GRIA4: variants seen among roughly 807,000 people sequenced by gnomAD.
The protein encoded by GRIA4 is glutamate receptor 4.
Under a neutral mutation model 104.0 loss-of-function variants are expected in GRIA4, and 34 were observed. The ratio of observed to expected loss-of-function variants is 0.33; its 90% CI spans 0.25 to 0.44. The LOEUF (loss-of-function observed/expected upper bound fraction) is 0.44, where lower values mean the gene tolerates loss of function less well. Ranked by LOEUF, GRIA4 falls within the 20% of genes least tolerant of loss-of-function variation. The pLI is 1.00. For synonymous variants in GRIA4, 386 were observed against 381.9 expected, an observed-to-expected ratio of 1.01 and a Z score of -0.13; for missense variants, 750 against 1,096.5, an observed-to-expected ratio of 0.68 and a Z score of 4.46.
At chr11:105,881,535 A>G (rs1946059578) in intron 5 of GRIA4, among the ~76,000 whole-genome samples, 1 of 152,190 alleles carries the variant, frequency 6.6e-6, no homozygotes, top group South Asian at 2.1e-4. Flanking sequence ...AAAGTCAGTC[A>G]GACTTTGCTA....
chr11:105,659,761 C>G lies in GRIA4; in HGVS notation c.247+47327C>G, dbSNP rs1373322936. On this transcript the variant is annotated intron_variant, in intron 3 of 16. Transcript: ENST00000282499. ...CTAATTCTAAAATATAAACAAATGG[C>G]AGTAGACACCAGACTTTTCAGGAAA... Among the ~76,000 whole-genome samples, 11 of 151,744 alleles carry G rather than the reference C, an allele frequency of 7.2e-5. No homozygotes were observed. In the Admixed American group the frequency reaches 7.3e-4, roughly 10 times the overall value.
chr11:105,765,262 T>C (rs1404818994), intron 4 of GRIA4, among the ~76,000 whole-genome samples: 5 of 152,208 alleles, frequency 3.3e-5, no homozygotes, highest in African/African-American at 4.8e-5. Flanking sequence ...GTTTTTCTTA[T>C]CTGATATAGA....
chr11:105,859,288 C>G (rs1441016690), intron 4 of GRIA4, among the ~76,000 whole-genome samples: 1 of 152,080 alleles, frequency 6.6e-6, no homozygotes, highest in Non-Finnish European at 1.5e-5. Context: ...TACTGCATGT[C>G]CTTTGCACTG....
At chr11:105,677,809 T>C (rs1952585497) in intron 3 of GRIA4, among the ~76,000 whole-genome samples, 2 of 151,978 alleles carry the variant, frequency 1.3e-5, no homozygotes, top group Admixed American at 1.3e-4. Context: ...ATTCAGGAAA[T>C]AGCAATCACA....
chr11:105,847,225 G>A (rs1944632175), intron 4 of GRIA4, among the ~76,000 whole-genome samples: 1 of 152,168 alleles, frequency 6.6e-6, no homozygotes, highest in South Asian at 2.1e-4. Context: ...TAGATCCCTT[G>A]TATGTGCAGT....
In GRIA4 at chr11:105,633,900, C is replaced by T. The variant is rs912496347; in HGVS notation, c.247+21466C>T. On this transcript the variant is annotated intron_variant, in intron 3 of 16. Coordinates refer to ENST00000282499, the MANE Select transcript of GRIA4 (RefSeq NM_000829.4). ...TGGAAACTGAGACTTTTAGAACTAA[C>T]CTGGTGCTTAGTGCACTTATGTTAA... Among the ~76,000 whole-genome samples, 25 of 152,238 alleles carry T rather than the reference C, an allele frequency of 1.6e-4. 1 individual carries two copies. The highest frequency in any genetic ancestry group is 1.3e-4 in the Admixed American group (2 of 15,260).
At position 105,717,452 on chromosome 11, in the gene GRIA4, G is replaced by A. The variant is rs1038575174; in HGVS notation, c.248-35529G>A. The stretch of plus-strand genomic sequence containing the variant: ...GCTAAATCTCACTATCTCTCCAAAA[G>A]CAAGATTCTGTCTCAGTGAGACTCT... On this transcript the variant is annotated intron_variant, in intron 3 of 16. Coordinates refer to ENST00000282499, the MANE Select transcript of GRIA4 (RefSeq NM_000829.4). 2.0e-5 allele frequency among the ~76,000 whole-genome samples: 3 copies of A among 151,932 alleles called. No homozygotes were observed. The South Asian group carries it at 6.2e-4, about 31-fold the overall frequency.
chr11:105,659,986 T>C (rs955421484), intron 3 of GRIA4, among the ~76,000 whole-genome samples: 111 of 151,706 alleles, frequency 7.3e-4, no homozygotes, highest in African/African-American at 2.5e-3. Context: ...TTCAAAATAA[T>C]AAAAATATTA....
At position 105,972,060 on chromosome 11, in the gene GRIA4, T is replaced by C. The variant is rs1858722563; in HGVS notation, c.2409+32T>C. On this transcript the variant is annotated intron_variant, in intron 15 of 16. Coordinates refer to ENST00000282499, the MANE Select transcript of GRIA4 (RefSeq NM_000829.4). ...CGCTGCAGTTCGGGGCCTCCTCTTGTGTTCACAAAGCAGTAAACGGGAGCA... is the reference window on the plus strand; with the variant it reads ...CGCTGCAGTTCGGGGCCTCCTCTTGCGTTCACAAAGCAGTAAACGGGAGCA... The C allele has an allele frequency of 3.0e-6, 4 of 1,335,330 alleles. No homozygotes were observed. In the African/African-American group the frequency reaches 4.3e-5, roughly 14 times the overall value. The allele number at this position is 1,335,330 out of a possible 1,614,324, so 82.7% of individuals were successfully genotyped here. A position where few individuals can be genotyped will look rare whatever the true frequency, so the allele number is the denominator to read the frequency against.
At chr11:105,670,354 T>A (rs1230789524) in intron 3 of GRIA4, among the ~76,000 whole-genome samples, 1 of 152,154 alleles carries the variant, frequency 6.6e-6, no homozygotes, top group Non-Finnish European at 1.5e-5. Context: ...CCAAAAGGTC[T>A]ATTTTCTAAT....
chr11:105,975,537 C>G (rs150218200), intron 16 of GRIA4, among the ~76,000 whole-genome samples: 1 of 152,046 alleles, frequency 6.6e-6, no homozygotes, highest in Admixed American at 6.5e-5. Context: ...AAAATAAGAT[C>G]TGAAAGGATT....
intron 5 of GRIA4, among the ~76,000 whole-genome samples, chr11:105,866,551 G>GTATATATGTATATATATA (rs1945423573): frequency 2.6e-5 from 2 of 76,752 alleles, no homozygotes; most frequent in South Asian, 1.0e-3. Context: ...GTGTGTGTGT[G>GTATATATGTATATATATA]TATATATATA....
chr11:105,733,368 T>A (rs543839634), intron 3 of GRIA4, among the ~76,000 whole-genome samples: 1 of 152,332 alleles, frequency 6.6e-6, no homozygotes, highest in African/African-American at 2.4e-5. Context: ...GACTTCTACA[T>A]AATATGGAAT....
At chr11:105,889,746 AAAG>A (rs1946394583) in intron 6 of GRIA4, among the ~76,000 whole-genome samples, 1 of 152,202 alleles carries the variant, frequency 6.6e-6, no homozygotes, top group South Asian at 2.1e-4. Flanking sequence ...CCAGATTGAA[AAAG>A]AAGATTATAT....
intron 13 of GRIA4, among the ~76,000 whole-genome samples, chr11:105,928,429 T>C (rs1007544029): frequency 2.6e-5 from 4 of 151,588 alleles, no homozygotes; most frequent in African/African-American, 9.7e-5. Context: ...TTAAACAAAC[T>C]TTTTTTAACT....
intron 4 of GRIA4, among the ~76,000 whole-genome samples, chr11:105,851,616 CAT>C (rs1165331054): frequency 6.6e-6 from 1 of 152,082 alleles, no homozygotes; most frequent in Non-Finnish European, 1.5e-5. Flanking sequence ...GAGTGTAGGG[CAT>C]ACAGACTCTC....
chr11:105,655,148 C>T (rs1460021712), intron 3 of GRIA4, among the ~76,000 whole-genome samples: 1 of 152,062 alleles, frequency 6.6e-6, no homozygotes, highest in Non-Finnish European at 1.5e-5. Context: ...CCTTGCAACA[C>T]AGTTTTTTAA....
chr11:105,836,262 A>G (rs1235430001), intron 4 of GRIA4, among the ~76,000 whole-genome samples: 1 of 152,074 alleles, frequency 6.6e-6, no homozygotes, highest in East Asian at 1.9e-4. Context: ...GACTTGCTCT[A>G]TTTGACTCAC....
intron 3 of GRIA4, among the ~76,000 whole-genome samples, chr11:105,685,959 C>T (rs924422495): frequency 2.7e-5 from 4 of 150,166 alleles, no homozygotes; most frequent in South Asian, 2.1e-4. Flanking sequence ...GGCAAGGATG[C>T]GGATGTTGGA....
Sources: gnomAD v4.1 joint callset for allele counts (sites outside exome capture counted in the v4.1 genomes callset) on GRCh38, gnomAD v4.1.1 for gene constraint, MANE v1.5 for transcripts, NCBI Gene and HGNC (gene_info 2026-07-23, HGNC 2026-07-21) for gene names.